Variants in LPP observed in about 807,000 individuals in gnomAD.
LPP encodes the protein lipoma-preferred partner.
LPP carries 38 observed loss-of-function variants against 60.4 expected under a neutral mutation model. The ratio of observed to expected loss-of-function variants is 0.63; its 90% CI spans 0.49 to 0.83. The LOEUF (loss-of-function observed/expected upper bound fraction) is 0.83. Among genes scored for constraint, LPP ranks in the 40% least tolerant of loss-of-function variants. The pLI is 0.00. For synonymous variants in LPP, 328 were observed against 290.8 expected, an observed-to-expected ratio of 1.13 and a Z score of -1.30; for missense variants, 902 against 783.6, an observed-to-expected ratio of 1.15 and a Z score of -1.80.
intron 1 of LPP, among the ~76,000 whole-genome samples, chr3:188,202,808 G>T (rs1157827193): frequency 6.6e-6 from 1 of 152,006 alleles, no homozygotes; most frequent in African/African-American, 2.4e-5. Context: ...GCTCATGGAG[G>T]TTTCATTTCT....
At chr3:188,732,177 T>G (rs1222572213) in intron 8 of LPP, among the ~76,000 whole-genome samples, 1 of 152,220 alleles carries the variant, frequency 6.6e-6, no homozygotes, top group South Asian at 2.1e-4. Context: ...GGAAAGGACA[T>G]GTTTGTCAAA....
intron 4 of LPP, among the ~76,000 whole-genome samples, chr3:188,410,811 T>C (rs1289167193): frequency 6.6e-6 from 1 of 152,152 alleles, no homozygotes; most frequent in Non-Finnish European, 1.5e-5. Context: ...AGTTCTGTAG[T>C]GGTGATTTCT....
chr3:188,452,943 C>T (rs1429199498), intron 4 of LPP, among the ~76,000 whole-genome samples: 13 of 152,122 alleles, frequency 8.5e-5, no homozygotes, highest in Admixed American at 8.5e-4. Context: ...GCTTTAGATT[C>T]ACCTCTTAAG....
At chr3:188,686,980 G>A (rs375544503) in intron 7 of LPP, among the ~76,000 whole-genome samples, 14 of 152,304 alleles carry the variant, frequency 9.2e-5, no homozygotes, top group Admixed American at 3.9e-4. Flanking sequence ...TAAGGCACCT[G>A]GTATGTGTGT....
At chr3:188,681,248 C>G (rs1396490641) in intron 7 of LPP, among the ~76,000 whole-genome samples, 2 of 152,154 alleles carry the variant, frequency 1.3e-5, no homozygotes, top group Non-Finnish European at 2.9e-5. Flanking sequence ...CCCACCTTGG[C>G]CTCCCAGAGT....
intron 8 of LPP, among the ~76,000 whole-genome samples, chr3:188,718,941 G>A (rs1433628037): frequency 6.6e-6 from 1 of 152,114 alleles, no homozygotes; most frequent in African/African-American, 2.4e-5. Context: ...TCCCAAATTT[G>A]TTAGTGACAG....
At chr3:188,514,596 C>T (rs1394605531) in intron 5 of LPP, among the ~76,000 whole-genome samples, 1 of 152,080 alleles carries the variant, frequency 6.6e-6, no homozygotes, top group Non-Finnish European at 1.5e-5. Flanking sequence ...TACCCACCAC[C>T]ACGCCCAGCT....
chr3:188,680,482 C>T (rs954881912), intron 7 of LPP, among the ~76,000 whole-genome samples: 3 of 152,158 alleles, frequency 2.0e-5, no homozygotes, highest in African/African-American at 7.2e-5. Context: ...TGAAATAAAG[C>T]CAAAAAGCAT....
chr3:188,671,232 G>T (rs1012424740), intron 7 of LPP, among the ~76,000 whole-genome samples: 11 of 152,108 alleles, frequency 7.2e-5, no homozygotes, highest in Non-Finnish European at 1.5e-5. Context: ...GAATTCCTTT[G>T]TCCTATCCCC....
intron 9 of LPP, among the ~76,000 whole-genome samples, chr3:188,834,545 A>G (rs1260577233): frequency 6.6e-6 from 1 of 151,976 alleles, no homozygotes; most frequent in African/African-American, 2.4e-5. Flanking sequence ...CCTCTTCACC[A>G]ACTAACCACA....
At chr3:188,367,432 G>A (rs978333311) in intron 3 of LPP, among the ~76,000 whole-genome samples, 1 of 152,004 alleles carries the variant, frequency 6.6e-6, no homozygotes, top group East Asian at 1.9e-4. Flanking sequence ...AAATAGATCT[G>A]GTATAGATAA....
chr3:188,688,050 C>T (rs2149438821), intron 7 of LPP, among the ~76,000 whole-genome samples: 1 of 152,230 alleles, frequency 6.6e-6, no homozygotes, highest in Non-Finnish European at 1.5e-5. Flanking sequence ...CCCCAGGCAC[C>T]ACGGCAGAAG....
intron 7 of LPP, among the ~76,000 whole-genome samples, chr3:188,627,096 T>C (rs1846986122): frequency 6.6e-6 from 1 of 152,132 alleles, no homozygotes; most frequent in Non-Finnish European, 1.5e-5. Flanking sequence ...CAAAGATAAT[T>C]TCATGCTGAG....
intron 7 of LPP, among the ~76,000 whole-genome samples, chr3:188,613,228 G>A (rs530907307): frequency 1.8e-4 from 22 of 119,724 alleles, no homozygotes; most frequent in Non-Finnish European, 2.6e-4. Context: ...CACAGAACTC[G>A]TGTCCTGTGC....
At chr3:188,652,679 C>T (rs1372851851) in intron 7 of LPP, among the ~76,000 whole-genome samples, 1 of 152,180 alleles carries the variant, frequency 6.6e-6, no homozygotes, top group East Asian at 1.9e-4. Context: ...GTAAGTTTTA[C>T]CATTTATAAG....
At chr3:188,526,604 G>A (rs34774102) in intron 6 of LPP, among the ~76,000 whole-genome samples, 4 of 152,128 alleles carry the variant, frequency 2.6e-5, no homozygotes, top group Non-Finnish European at 5.9e-5. Flanking sequence ...GTCTTCTTTA[G>A]ATACATTCCC....
intron 4 of LPP, among the ~76,000 whole-genome samples, chr3:188,433,211 C>G (rs544988587): frequency 2.0e-5 from 3 of 152,038 alleles, no homozygotes; most frequent in African/African-American, 7.2e-5. Context: ...GAGTATTGAA[C>G]GTTATAGTGA....
rs77871435 is a variant in LPP at position 188,594,315 on chromosome 3, C to T, written c.430-14846C>T. 8.1e-3 allele frequency among the ~76,000 whole-genome samples: 1,233 copies of T among 152,252 alleles called. 4 individuals carry two copies. The highest frequency in any genetic ancestry group is 0.02 in the Middle Eastern group (6 of 294). The stretch of plus-strand genomic sequence containing the variant: ...AGACAAGAATGTGCCTAAAGCAATT[C>T]AGCAGTTCAGAGTGGAATGAAAAGG... On this transcript the variant is annotated intron_variant, in intron 6 of 11. Transcript: ENST00000617246.
chr3:188,862,722 AATAAATAAATAAAT>A (rs1560308278), intron 9 of LPP, among the ~76,000 whole-genome samples: 1 of 80,820 alleles, frequency 1.2e-5, no homozygotes, highest in Non-Finnish European at 3.4e-5. Context: ...CAAAAAAATA[AATAAATAAATAAAT>A]AAAAGAAAAA....
Sources: allele counts gnomAD v4.1 joint callset (sites outside exome capture counted in the v4.1 genomes callset), GRCh38; gene constraint gnomAD v4.1.1; transcripts MANE v1.5; gene names NCBI Gene and HGNC (gene_info 2026-07-23, HGNC 2026-07-21).